CSNK1G2: variants seen among roughly 807,000 people sequenced by gnomAD.
The protein encoded by CSNK1G2 is casein kinase 1 gamma 2.
Under a neutral mutation model 48.0 loss-of-function variants are expected in CSNK1G2, and 11 were observed. The ratio of observed to expected loss-of-function variants is 0.23; its 90% CI spans 0.14 to 0.38. The LOEUF (loss-of-function observed/expected upper bound fraction) is 0.38. Among genes scored for constraint, CSNK1G2 ranks in the 10% least tolerant of loss-of-function variants. The probability of loss-of-function intolerance (pLI) is 1.00; values close to 1 mark genes in which losing one functional copy is unlikely to be tolerated. For synonymous variants in CSNK1G2, 337 were observed against 254.1 expected (o/e 1.33, Z -3.10); for missense variants, 446 against 595.5 (o/e 0.75, Z 2.61).
chr19:1,960,394 C>T (rs561976399), intron 1 of CSNK1G2, among the ~76,000 whole-genome samples: 19 of 152,326 alleles, frequency 1.2e-4, no homozygotes, highest in Non-Finnish European at 1.6e-4. Context: ...CTCCAGCCCT[C>T]GTCGAGAAAG....
intron 1 of CSNK1G2, among the ~76,000 whole-genome samples, chr19:1,944,774 A>G (rs756377917): frequency 6.6e-6 from 1 of 152,004 alleles, no homozygotes; most frequent in African/African-American, 2.4e-5. Flanking sequence ...GGTGTATTCA[A>G]TGCACTGCGG....
intron 1 of CSNK1G2, among the ~76,000 whole-genome samples, chr19:1,943,658 C>T (rs961888416): frequency 1.3e-5 from 2 of 152,074 alleles, no homozygotes; most frequent in African/African-American, 4.8e-5. Context: ...TGGGGGTTAC[C>T]GCGCGCCCGA....
At chr19:1,969,193 T>C (rs1001745691) in intron 1 of CSNK1G2, among the ~76,000 whole-genome samples, 9 of 152,110 alleles carry the variant, frequency 5.9e-5, no homozygotes, top group African/African-American at 2.2e-4. Flanking sequence ...TTGGCAGTCA[T>C]GCTCTCCTGG....
At position 1,957,379 on chromosome 19, in the gene CSNK1G2, G is replaced by A. The variant is rs1290483794; in HGVS notation, c.-265-12129G>A. 6.6e-6 allele frequency among the ~76,000 whole-genome samples: 1 copy of A among 152,224 alleles called. No individual in the cohort carries two copies. Among genetic ancestry groups the A allele is most frequent in the African/African-American group, 2.4e-5 (1 of 41,452 alleles). ...AGTGGAGCCGGGGGAGAGATGTCCC[G>A]GGATGCACCAGGCGCTCGTGCAAAC... On this transcript the variant is annotated intron_variant, in intron 1 of 11. Coordinates refer to ENST00000255641, the MANE Select transcript of CSNK1G2 (RefSeq NM_001319.7). This position sits in a 1 kb window ranked among gnomAD's most constrained non-coding sequence, Gnocchi z 5.4.
Position 1,978,588 on chromosome 19 carries a change from G to A in CSNK1G2, c.299-14G>A. 6.3e-7 allele frequency: 1 copy of A among 1,585,280 alleles called. No individual in the cohort carries two copies. The highest frequency in any genetic ancestry group is 8.6e-7 in the Non-Finnish European group (1 of 1,166,388). Reference sequence around the variant, plus strand: ...GCTGCCGCCGCACGCCCGTGCGTCTGTCCTCCGCCGCAGAGGGCGTCCCTC... The same window carrying A: ...GCTGCCGCCGCACGCCCGTGCGTCTATCCTCCGCCGCAGAGGGCGTCCCTC... On this transcript the variant is annotated splice_polypyrimidine_tract_variant and intron_variant, in intron 4 of 11. Transcript: ENST00000255641. This position sits in a 1 kb window ranked among gnomAD's most constrained non-coding sequence, Gnocchi z 7.3.
chr19:1,971,890 C>T (rs1242182421), intron 2 of CSNK1G2, among the ~76,000 whole-genome samples: 2 of 152,072 alleles, frequency 1.3e-5, no homozygotes, highest in African/African-American at 4.8e-5. Context: ...CTGCCTCAGC[C>T]TCCCGAGTAG....
intron 2 of CSNK1G2, among the ~76,000 whole-genome samples, chr19:1,971,872 C>G (rs183398759): frequency 1.3e-5 from 2 of 151,780 alleles, no homozygotes; most frequent in African/African-American, 4.8e-5. Flanking sequence ...CGGGTTCACG[C>G]CATTCTCCTG....
In CSNK1G2 at chr19:1,953,962, C is replaced by T. The variant is rs781518977; in HGVS notation, c.-266+12544C>T. The T allele has an allele frequency of 2.2e-5, 12 of 533,654 alleles. 1 individual carries two copies. The highest frequency in any genetic ancestry group is 5.6e-5 in the South Asian group (4 of 71,596). 33.1% of individuals were successfully genotyped at this position (533,654 alleles called of 1,614,324 possible). A position where few individuals can be genotyped will look rare whatever the true frequency, so the allele number is the denominator to read the frequency against. The stretch of plus-strand genomic sequence containing the variant: ...CGGTGAGGTTGGCTTCTGCCATGGA[C>T]GGGGCCTTCTCGTGGTGATGACAGT... On this transcript the variant is annotated intron_variant, in intron 1 of 11. Coordinates refer to ENST00000255641, the MANE Select transcript of CSNK1G2 (RefSeq NM_001319.7).
In CSNK1G2 at chr19:1,979,403, G is replaced by A. The variant is rs1189045931; in HGVS notation, c.853G>A (p.Glu285Lys). The A allele has an allele frequency of 1.1e-5, 17 of 1,577,542 alleles. No homozygotes were observed. In the East Asian group the frequency reaches 3.7e-4, roughly 34 times the overall value. ...PIEVLCENFP[E>K]EMATYLRYVR... ...CGAGGTGCTCTGCGAGAACTTCCCA[G>A]GTAAGGGGTCCCTGCGCCCCCGCCC... The change falls in exon 8 of 12, where the codon GAG becomes AAG. Residue 285 changes from glutamate (E) to lysine (K), a missense_variant and splice_region_variant. Transcript: ENST00000255641.
rs889438667 is a variant in CSNK1G2, at chr19:1,969,533, T to A, written c.-240T>A. The A allele has an allele frequency of 2.9e-6, 1 of 345,576 alleles. No individual in the cohort carries two copies. The highest frequency in any genetic ancestry group is 4.8e-5 in the Admixed American group (1 of 20,642). The allele number at this position is 345,576 out of a possible 1,614,324, so 21.4% of individuals were successfully genotyped here. ...CTGTGAGCCGTGAGCTTTGAGGCGG[T>A]GGGATGTGTCAGCAGAATGTCTCCT... On this transcript the variant is annotated 5_prime_UTR_variant, in exon 2 of 12. Coordinates refer to ENST00000255641, the MANE Select transcript of CSNK1G2 (RefSeq NM_001319.7).
chr19:1,964,196 G>T (rs2015290831), intron 1 of CSNK1G2, among the ~76,000 whole-genome samples: 1 of 151,954 alleles, frequency 6.6e-6, no homozygotes, highest in African/African-American at 2.4e-5. Flanking sequence ...TGGAGGCTGA[G>T]GTGGGAGGAT....
Position 1,978,162 on chromosome 19 carries a change from C to A in CSNK1G2, c.188-143C>A. 1 of 840,718 alleles carries A rather than the reference C, an allele frequency of 1.2e-6. No homozygotes were observed. 52.1% of individuals were successfully genotyped at this position (840,718 alleles called of 1,614,324 possible). A position where few individuals can be genotyped will look rare whatever the true frequency, so the allele number is the denominator to read the frequency against. ...GTGCAGTGCTCTGGCAGGCTGGGCC[C>A]AGGCCCTGCTGCTGGGCAGTGGTGT... On this transcript the variant is annotated intron_variant, in intron 2 of 11. Transcript: ENST00000255641. The surrounding 1 kb of genome is among the most constrained non-coding windows in gnomAD (Gnocchi z 7.3).
chr19:1,953,155 C>T (rs899249886), intron 1 of CSNK1G2: 33 of 368,032 alleles, frequency 9.0e-5, no homozygotes, highest in South Asian at 1.4e-4. Flanking sequence ...CACTCGCCCC[C>T]GGGACCTGCC....
At position 1,961,415 on chromosome 19, in the gene CSNK1G2, C is replaced by T. The variant is rs182333907; in HGVS notation, c.-265-8093C>T. Among the ~76,000 whole-genome samples, 891 of 152,366 alleles carry T rather than the reference C, an allele frequency of 5.8e-3. 24 individuals are homozygous for T. The highest frequency in any genetic ancestry group is 0.038 in the Admixed American group (585 of 15,306). The stretch of plus-strand genomic sequence containing the variant: ...GGGTGTGTGCGTCACCCTGAGTCTC[C>T]AGCCCATGCTGAGGAGCCTCGCAGG... On this transcript the variant is annotated intron_variant, in intron 1 of 11. Transcript: ENST00000255641.
At chr19:1,952,875 A>G (rs1456028460) in intron 1 of CSNK1G2, 1 of 433,478 alleles carries the variant, frequency 2.3e-6, no homozygotes, top group South Asian at 1.8e-5. Flanking sequence ...CCTCGTGGGG[A>G]TCATCACAGA....
intron 1 of CSNK1G2, among the ~76,000 whole-genome samples, chr19:1,967,497 C>T (rs574397187): frequency 3.5e-5 from 5 of 144,744 alleles, no homozygotes; most frequent in East Asian, 4.2e-4. Flanking sequence ...AGGGAGGACC[C>T]GGCAGGATCT....
intron 2 of CSNK1G2, chr19:1,975,861 G>A: frequency 1.2e-6 from 1 of 800,188 alleles, no homozygotes; most frequent in Non-Finnish European, 1.5e-6. Context: ...CATGGAGAAA[G>A]CCCATCTCTA....
intron 1 of CSNK1G2, among the ~76,000 whole-genome samples, chr19:1,949,504 T>C (rs1298501523): frequency 6.6e-6 from 1 of 152,246 alleles, no homozygotes; most frequent in East Asian, 1.9e-4. Flanking sequence ...CTGAGTCGTG[T>C]TCCGGCGTGT....
In CSNK1G2 at chr19:1,978,381, G is replaced by A; in HGVS notation, c.228+36G>A. 1 of 1,611,944 alleles carries A rather than the reference G, an allele frequency of 6.2e-7. No individual in the cohort carries two copies. The highest frequency in any genetic ancestry group is 8.5e-7 in the Non-Finnish European group (1 of 1,178,944). ...CCCTCCACCCCACCCCCGCTGACGTGCCCCCCAGGGATTTCAGGGCAGCGA... is the reference window on the plus strand; with the variant it reads ...CCCTCCACCCCACCCCCGCTGACGTACCCCCCAGGGATTTCAGGGCAGCGA... On this transcript the variant is annotated intron_variant, in intron 3 of 11. Transcript: ENST00000255641. This position sits in a 1 kb window ranked among gnomAD's most constrained non-coding sequence, Gnocchi z 7.3.
Sources: gnomAD v4.1 joint callset for allele counts (sites outside exome capture counted in the v4.1 genomes callset) on GRCh38, gnomAD v4.1.1 for gene constraint, Gnocchi (gnomAD v3.1) non-coding constraint, MANE v1.5 for transcripts, NCBI Gene and HGNC (gene_info 2026-07-23, HGNC 2026-07-21) for gene names.